FHIT: variants seen among roughly 807,000 people sequenced by gnomAD.
The protein encoded by FHIT is bis(5'-adenosyl)-triphosphatase.
In FHIT, 19 loss-of-function variants were observed where a neutral mutation model predicts 17.9. The observed-to-expected ratio is 1.06, with a 90% CI of 0.74 to 1.56. The LOEUF is 1.56. FHIT is among the 40% of genes most tolerant of loss of function. The pLI is 0.00. For missense variants in FHIT, 248 were observed against 189.2 expected, an observed-to-expected ratio of 1.31 and a Z score of -1.82; for synonymous variants, 81 against 69.7, an observed-to-expected ratio of 1.16 and a Z score of -0.81.
At chr3:60,343,079 T>C (rs972164510) in intron 5 of FHIT, among the ~76,000 whole-genome samples, 16 of 152,232 alleles carry the variant, frequency 1.1e-4, no homozygotes, top group African/African-American at 2.4e-5. Flanking sequence ...TTGCATATCC[T>C]GGTTTTTAAT....
chr3:61,247,758 A>T (rs758607389), intron 1 of FHIT, among the ~76,000 whole-genome samples: 13 of 152,256 alleles, frequency 8.5e-5, no homozygotes, highest in Non-Finnish European at 1.6e-4. Flanking sequence ...TTCATATATC[A>T]GGCTTACAAT....
rs538322273 is a variant in FHIT at position 60,847,816 on chromosome 3, C to G, written c.-110-25805G>C. 2.1e-4 allele frequency among the ~76,000 whole-genome samples: 32 copies of G among 152,220 alleles called. No homozygotes were observed. In the South Asian group the frequency reaches 6.2e-3, roughly 30 times the overall value. On this transcript the variant is annotated intron_variant, in intron 3 of 9. Coordinates refer to ENST00000492590, the MANE Select transcript of FHIT (RefSeq NM_002012.4). ...CCTATTAGTCGACATTTCTGTGATACACTCATTTTTTTTGGTCCCCGTATG... is the reference window on the plus strand; with the variant it reads ...CCTATTAGTCGACATTTCTGTGATAGACTCATTTTTTTTGGTCCCCGTATG...
chr3:59,993,286 T>C (rs1171326026), intron 7 of FHIT, among the ~76,000 whole-genome samples: 1 of 152,108 alleles, frequency 6.6e-6, no homozygotes, highest in Non-Finnish European at 1.5e-5. Flanking sequence ...AGAGAGGTAC[T>C]GAGTCTCACA....
intron 3 of FHIT, among the ~76,000 whole-genome samples, chr3:61,004,315 C>T (rs2107609906): frequency 6.6e-6 from 1 of 152,210 alleles, no homozygotes; most frequent in East Asian, 1.9e-4. Context: ...AAGTGTTTGC[C>T]CAGTGTACAT....
chr3:60,595,238 T>G (rs1553665833), intron 4 of FHIT, among the ~76,000 whole-genome samples: 1 of 151,938 alleles, frequency 6.6e-6, no homozygotes, highest in Non-Finnish European at 1.5e-5. Context: ...TAGCAACCAA[T>G]TCAGGGGTCA....
chr3:60,723,148 T>G (rs1553708543), intron 4 of FHIT, among the ~76,000 whole-genome samples: 1 of 152,204 alleles, frequency 6.6e-6, no homozygotes, highest in Non-Finnish European at 1.5e-5. Flanking sequence ...AAGGCAGCAC[T>G]CTTCCCACGG....
chr3:60,776,553 T>G (rs557241823), intron 4 of FHIT, among the ~76,000 whole-genome samples: 1 of 152,090 alleles, frequency 6.6e-6, no homozygotes, highest in African/African-American at 2.4e-5. Context: ...ACAAACTGCT[T>G]TTTGGGTTTT....
chr3:61,056,491 G>GA (rs1408489802), intron 2 of FHIT, among the ~76,000 whole-genome samples: 1 of 152,164 alleles, frequency 6.6e-6, no homozygotes, highest in East Asian at 1.9e-4. Flanking sequence ...TGAGTGCTCT[G>GA]AAAAAACAGG....
chr3:60,522,197 C>T (rs184508729), intron 5 of FHIT, among the ~76,000 whole-genome samples: 1 of 147,792 alleles, frequency 6.8e-6, no homozygotes, highest in Admixed American at 6.9e-5. Context: ...GCAACTTCTG[C>T]CCCCCTGAGT....
chr3:60,771,346 CT>C (rs1437785327), intron 4 of FHIT, among the ~76,000 whole-genome samples: 1 of 152,196 alleles, frequency 6.6e-6, no homozygotes, highest in Non-Finnish European at 1.5e-5. Context: ...TTGAGTTACA[CT>C]TTGCATATCA....
intron 2 of FHIT, among the ~76,000 whole-genome samples, chr3:61,051,315 G>A (rs2034018112): frequency 1.3e-5 from 2 of 152,096 alleles, no homozygotes; most frequent in Non-Finnish European, 2.9e-5. Context: ...CCCTCGTCCA[G>A]ACTGGAGTGC....
chr3:60,144,061 A>AAATC (rs149758984), intron 5 of FHIT, among the ~76,000 whole-genome samples: 6,513 of 152,224 alleles, frequency 0.043, 396 homozygotes, highest in African/African-American at 0.14. Flanking sequence ...CTGGACTGAG[A>AAATC]AATCAGTCTC....
At chr3:60,938,849 GA>G (rs148288920) in intron 3 of FHIT, among the ~76,000 whole-genome samples, 5,399 of 152,240 alleles carry the variant, frequency 0.035, 309 homozygotes, top group African/African-American at 0.12. Context: ...AACATAATTT[GA>G]ATGGGAAAGC....
rs577303448 is a variant in FHIT, at chr3:60,950,145, A to G, written c.-111+91902T>C. Among the ~76,000 whole-genome samples, 60 of 152,358 alleles carry G rather than the reference A, an allele frequency of 3.9e-4. No homozygotes were observed. In the East Asian group the frequency reaches 0.011, roughly 28 times the overall value. On this transcript the variant is annotated intron_variant, in intron 3 of 9. Transcript: ENST00000492590. ...GTTACAGTTGCCTATAGTATTCAGTAAAGTGATGCTCACAAGAGTATGAAA... is the reference window on the plus strand; with the variant it reads ...GTTACAGTTGCCTATAGTATTCAGTGAAGTGATGCTCACAAGAGTATGAAA...
At chr3:60,659,318 G>A (rs2040187886) in intron 4 of FHIT, among the ~76,000 whole-genome samples, 1 of 151,852 alleles carries the variant, frequency 6.6e-6, no homozygotes, top group African/African-American at 2.4e-5. Context: ...TTTATGTCTT[G>A]CATCAGATTT....
chr3:60,771,526 C>T (rs944978075), intron 4 of FHIT, among the ~76,000 whole-genome samples: 1 of 152,160 alleles, frequency 6.6e-6, no homozygotes, highest in Admixed American at 6.5e-5. Flanking sequence ...GCCTACATGG[C>T]CTACTTCCTG....
At chr3:60,839,716 G>C (rs1553744565) in intron 3 of FHIT, among the ~76,000 whole-genome samples, 1 of 152,002 alleles carries the variant, frequency 6.6e-6, no homozygotes, top group African/African-American at 2.4e-5. Flanking sequence ...CGTTTATTAT[G>C]CTGACCCTCT....
At chr3:61,002,795 A>T (rs2107606660) in intron 3 of FHIT, among the ~76,000 whole-genome samples, 1 of 152,128 alleles carries the variant, frequency 6.6e-6, no homozygotes, top group Non-Finnish European at 1.5e-5. Flanking sequence ...TGGAAAGTGG[A>T]TTGCAAACCC....
At chr3:60,073,436 A>C (rs886644258) in intron 5 of FHIT, among the ~76,000 whole-genome samples, 1 of 152,140 alleles carries the variant, frequency 6.6e-6, no homozygotes, top group Non-Finnish European at 1.5e-5. Flanking sequence ...CTGGGACAAC[A>C]AACAGCCCCA....
Sources: allele counts gnomAD v4.1 joint callset (sites outside exome capture counted in the v4.1 genomes callset), GRCh38; gene constraint gnomAD v4.1.1; transcripts MANE v1.5; gene names NCBI Gene and HGNC (gene_info 2026-07-23, HGNC 2026-07-21).